RPS6KC1: variants seen among roughly 807,000 people sequenced by gnomAD.
The protein encoded by RPS6KC1 is inactive ribosomal protein S6 kinase delta-1.
RPS6KC1 carries 54 observed loss-of-function variants against 103.8 expected under a neutral mutation model. That is an observed-to-expected ratio of 0.52 (90% CI 0.42 to 0.65). RPS6KC1 has a LOEUF of 0.65. RPS6KC1 is among the 30% of genes least tolerant of loss of function. RPS6KC1 has a pLI of 0.00. For missense variants in RPS6KC1, 1,151 were observed against 1,253.8 expected, an observed-to-expected ratio of 0.92 and a Z score of 1.24; for synonymous variants, 439 against 438.7, an observed-to-expected ratio of 1.00 and a Z score of -0.01.
the RPS6KC1 span, among the ~76,000 whole-genome samples, chr1:213,379,168 G>A: frequency 1.3e-5 from 2 of 152,156 alleles, no homozygotes; most frequent in African/African-American, 4.8e-5. Context: ...TTAAAGGCCT[G>A]GTACGTGTGG....
At chr1:213,503,457 C>A in the RPS6KC1 span, among the ~76,000 whole-genome samples, 2 of 152,208 alleles carry the variant, frequency 1.3e-5, no homozygotes, top group African/African-American at 4.8e-5. Context: ...TCCCCTTCAG[C>A]AGGGGCTCTG....
the RPS6KC1 span, among the ~76,000 whole-genome samples, chr1:213,700,773 A>C: frequency 6.6e-6 from 1 of 151,888 alleles, no homozygotes; most frequent in African/African-American, 2.4e-5. Flanking sequence ...TCTTTCACTT[A>C]TCTGGTTAAG....
chr1:213,202,691 A>G (rs1185805051), intron 8 of RPS6KC1, among the ~76,000 whole-genome samples: 1 of 152,154 alleles, frequency 6.6e-6, no homozygotes, highest in Non-Finnish European at 1.5e-5. Context: ...TACAGTGACA[A>G]ATAGGGTTAA....
At chr1:213,823,282 T>C in the RPS6KC1 span, among the ~76,000 whole-genome samples, 57 of 152,352 alleles carry the variant, frequency 3.7e-4, no homozygotes, top group African/African-American at 1.3e-3. Context: ...GACTTGTTTA[T>C]ATGTTTATTA....
chr1:213,409,204 G>A, the RPS6KC1 span, among the ~76,000 whole-genome samples: 1 of 151,974 alleles, frequency 6.6e-6, no homozygotes, highest in African/African-American at 2.4e-5. Flanking sequence ...CCAACCAAGT[G>A]CAAAGTATTA....
intron 12 of RPS6KC1, among the ~76,000 whole-genome samples, chr1:213,255,576 A>G (rs908678441): frequency 2.0e-5 from 3 of 152,148 alleles, no homozygotes; most frequent in African/African-American, 7.2e-5. Flanking sequence ...GATTTTTTAT[A>G]TAGAGTTTGC....
chr1:213,289,094 G>A, the RPS6KC1 span, among the ~76,000 whole-genome samples: 1 of 152,142 alleles, frequency 6.6e-6, no homozygotes, highest in South Asian at 2.1e-4. Context: ...CAACCACAGG[G>A]CCACTGTATT....
rs570315239 is a variant in RPS6KC1, at chr1:213,241,761, G to A, written c.2285G>A (p.Ser762Asn). ...GATCCCTCTGGGCCCAAATCCTATA[G>A]TATAACAGAGAAACACTATGCACAG... is the stretch of plus-strand genomic sequence containing the variant. ...LSDPSGPKSY[S>N]ITEKHYAQED... Residue 762 changes from serine (S) to asparagine (N), a missense_variant, in exon 11 of 15, where the codon AGT (serine) becomes AAT (asparagine). Ser to Asn is a conservative substitution (Grantham distance 46). Transcript: ENST00000366960. 1.9e-6 allele frequency: 3 copies of A among 1,613,984 alleles called. No homozygotes were observed. Among genetic ancestry groups the A allele is most frequent in the Non-Finnish European group, 2.5e-6 (3 of 1,179,948 alleles).
chr1:213,294,050 A>G, the RPS6KC1 span, among the ~76,000 whole-genome samples: 141,832 of 152,288 alleles, frequency 0.93, 66,101 homozygotes, highest in Non-Finnish European at 0.95. Context: ...GAAGGAAAGC[A>G]ACCCGAGCAC....
rs918309355 is a variant in RPS6KC1, at chr1:213,084,008, C to A, written c.262+6192C>A. Among the ~76,000 whole-genome samples the A allele has an allele frequency of 7.2e-5, 11 of 152,196 alleles. No individual in the cohort carries two copies. In the East Asian group the frequency reaches 2.1e-3, roughly 29 times the overall value. On this transcript the variant is annotated intron_variant, in intron 3 of 14. Coordinates refer to ENST00000366960, the MANE Select transcript of RPS6KC1 (RefSeq NM_012424.6). ...GGAGATGAGGGATGTTTCAAACTTACAGAAAGTTGCAAGAAGAAGAATAGT... is the reference window on the plus strand; with the variant it reads ...GGAGATGAGGGATGTTTCAAACTTAAAGAAAGTTGCAAGAAGAAGAATAGT...
chr1:213,256,515 T>G (rs565658278), intron 12 of RPS6KC1, among the ~76,000 whole-genome samples: 1 of 149,096 alleles, frequency 6.7e-6, no homozygotes, highest in African/African-American at 2.5e-5. Flanking sequence ...ACACTAACAC[T>G]AACGATAGCT....
chr1:213,214,547 C>A (rs534465285), intron 8 of RPS6KC1, among the ~76,000 whole-genome samples: 2 of 152,268 alleles, frequency 1.3e-5, no homozygotes, highest in East Asian at 3.9e-4. Context: ...CCAGCATGGA[C>A]CTTGAGATCT....
At chr1:213,664,688 A>C in the RPS6KC1 span, among the ~76,000 whole-genome samples, 1 of 152,208 alleles carries the variant, frequency 6.6e-6, no homozygotes, top group African/African-American at 2.4e-5. Flanking sequence ...CTATGGAAAC[A>C]ATGCCCCTGC....
At chr1:213,860,488 G>A in the RPS6KC1 span, among the ~76,000 whole-genome samples, 15 of 152,110 alleles carry the variant, frequency 9.9e-5, no homozygotes, top group African/African-American at 2.9e-4. Context: ...TTCTTGAGTG[G>A]AAGTAGGGTA....
At chr1:213,069,866 AT>A (rs1328316940) in intron 1 of RPS6KC1, among the ~76,000 whole-genome samples, 1 of 152,068 alleles carries the variant, frequency 6.6e-6, no homozygotes, top group Non-Finnish European at 1.5e-5. Flanking sequence ...CTAATGTGAG[AT>A]TTTCCTAATT....
intron 6 of RPS6KC1, among the ~76,000 whole-genome samples, chr1:213,143,838 T>C (rs1456600752): frequency 6.6e-6 from 1 of 151,884 alleles, no homozygotes; most frequent in African/African-American, 2.4e-5. Flanking sequence ...TTTTTTTTTT[T>C]TTCCTGGAAA....
intron 3 of RPS6KC1, among the ~76,000 whole-genome samples, chr1:213,090,819 A>G (rs1468753131): frequency 6.6e-6 from 1 of 152,238 alleles, no homozygotes; most frequent in African/African-American, 2.4e-5. Flanking sequence ...AAAATAAAAA[A>G]TACACTACAT....
At chr1:213,645,631 TAGAGAC>T in the RPS6KC1 span, among the ~76,000 whole-genome samples, 1 of 152,304 alleles carries the variant, frequency 6.6e-6, no homozygotes, top group South Asian at 2.1e-4. Flanking sequence ...GATGAAGTGT[TAGAGAC>T]AGAGGGAGGT....
At chr1:213,403,338 T>C in the RPS6KC1 span, among the ~76,000 whole-genome samples, 1 of 152,046 alleles carries the variant, frequency 6.6e-6, no homozygotes, top group Non-Finnish European at 1.5e-5. Flanking sequence ...GTACTTTTCC[T>C]GGCTCTCTCC....
Sources: allele counts gnomAD v4.1 joint callset (sites outside exome capture counted in the v4.1 genomes callset), GRCh38; gene constraint gnomAD v4.1.1; transcripts MANE v1.5; gene names NCBI Gene and HGNC (gene_info 2026-07-23, HGNC 2026-07-21).